YLPM1: variants seen among roughly 807,000 people sequenced by gnomAD.
YLPM1 encodes YLP motif containing 1, also known as YLP motif-containing protein 1.
YLPM1 carries 99 observed loss-of-function variants against 230.0 expected under a neutral mutation model. The ratio of observed to expected loss-of-function variants is 0.43; its 90% confidence interval spans 0.37 to 0.51. The LOEUF is 0.51. YLPM1 is among the 20% of genes least tolerant of loss of function. YLPM1 has a pLI of 0.00. For synonymous variants in YLPM1, 984 were observed against 942.5 expected (o/e 1.04, Z -0.81); for missense variants, 2,592 against 2,707.7 (o/e 0.96, Z 0.95).
intron 1 of YLPM1, among the ~76,000 whole-genome samples, chr14:74,777,018 T>C (rs2091047573): frequency 6.6e-6 from 1 of 151,910 alleles, no homozygotes; most frequent in African/African-American, 2.4e-5. Context: ...ACTGCACCAC[T>C]ACACTCCAGC....
chr14:74,826,831 G>C (rs1413391569), intron 18 of YLPM1, among the ~76,000 whole-genome samples: 2 of 152,302 alleles, frequency 1.3e-5, no homozygotes, highest in African/African-American at 4.8e-5. Context: ...CACATCAGGT[G>C]GTGGGATTCA....
chr14:74,772,899 T>C (rs1429660733), intron 1 of YLPM1, among the ~76,000 whole-genome samples: 2 of 152,232 alleles, frequency 1.3e-5, no homozygotes, highest in Non-Finnish European at 2.9e-5. Flanking sequence ...ATATCATTAT[T>C]ATTTATTTGC....
chr14:74,809,800 G>A lies in YLPM1; in HGVS notation c.4939+3G>A. On this transcript the variant is annotated splice_donor_region_variant and intron_variant, in intron 7 of 20. Coordinates refer to ENST00000325680, the MANE Select transcript of YLPM1 (RefSeq NM_019589.3). ...TGTTGATTATGGCCATGGCCGAGGT[G>A]AGTAATGATAGTGCACTTGTATTTG... 1.2e-6 allele frequency: 2 copies of A among 1,613,466 alleles called. No individual in the cohort carries two copies. The highest frequency in any genetic ancestry group is 1.7e-6 in the Non-Finnish European group (2 of 1,179,758).
intron 12 of YLPM1, 83 bp from the exon 13 acceptor site, chr14:74,816,488 T>C (rs2091479188): frequency 1.3e-6 from 2 of 1,484,296 alleles, no homozygotes; most frequent in Admixed American, 2.5e-5. Flanking sequence ...TTGTATATTA[T>C]TTAGCCACAA....
In YLPM1 at chr14:74,780,600, G is replaced by A. The variant is rs778361141; in HGVS notation, c.1290+16G>A. 4 of 1,580,588 alleles carry A rather than the reference G, an allele frequency of 2.5e-6. No homozygotes were observed. The highest frequency in any genetic ancestry group is 1.7e-4 in the Middle Eastern group (1 of 5,938). On this transcript the variant is annotated intron_variant, in intron 3 of 20. Transcript: ENST00000325680. ...ACATATACAGGCAAGTGCTTCCATA[G>A]TCCACAATAGGAAGTTGCCCCAAGA...
intron 17 of YLPM1, chr14:74,824,033 T>G: frequency 2.1e-6 from 1 of 477,192 alleles, no homozygotes; most frequent in Non-Finnish European, 3.8e-6. Context: ...TTCATGATAC[T>G]ATTCTGAAGT....
intron 5 of YLPM1, among the ~76,000 whole-genome samples, chr14:74,802,196 C>T (rs113314738): frequency 8.5e-4 from 118 of 138,384 alleles, no homozygotes; most frequent in African/African-American, 2.9e-3. Flanking sequence ...CCAGCCCAGG[C>T]GACAGAGTGA....
chr14:74,780,616 T>C (rs537663625), intron 3 of YLPM1, 32 bp downstream of exon 3: 1 of 1,550,198 alleles, frequency 6.5e-7, no homozygotes, highest in Non-Finnish European at 8.8e-7. Flanking sequence ...AATAGGAAGT[T>C]GCCCCAAGAC....
chr14:74,782,647 TC>T (rs2091107710), intron 4 of YLPM1, among the ~76,000 whole-genome samples: 1 of 152,236 alleles, frequency 6.6e-6, no homozygotes, highest in Non-Finnish European at 1.5e-5. Context: ...GCTTTTTCAT[TC>T]ATTTGACAAA....
Position 74,798,562 on chromosome 14 carries a change from A to C in YLPM1, c.3265A>C (p.Ser1089Arg), listed in dbSNP as rs1359337092. 1 of 1,613,874 alleles carries C rather than the reference A, an allele frequency of 6.2e-7. No individual in the cohort carries two copies. The highest frequency in any genetic ancestry group is 1.7e-5 in the Admixed American group (1 of 60,016). The change falls in exon 5 of 21, where the codon AGT becomes CGT. Residue 1089 changes from serine to arginine, a missense_variant. Transcript: ENST00000325680. Reference protein sequence around the residue: ...RDRGLVRPGSSREKVPGGLQG... With the variant: ...RDRGLVRPGSRREKVPGGLQG... Reference sequence around the variant, plus strand: ...CAGAGGGTTGGTGAGGCCTGGAAGCAGTCGGGAGAAAGTGCCAGGTGGTCT... The same window carrying C: ...CAGAGGGTTGGTGAGGCCTGGAAGCCGTCGGGAGAAAGTGCCAGGTGGTCT...
chr14:74,765,703 G>C (rs1173758686), intron 1 of YLPM1, among the ~76,000 whole-genome samples: 1 of 152,244 alleles, frequency 6.6e-6, no homozygotes, highest in Non-Finnish European at 1.5e-5. Context: ...TGACCTTACA[G>C]AGAGACAAAA....
intron 16 of YLPM1, among the ~76,000 whole-genome samples, chr14:74,818,626 T>A (rs1594841432): frequency 1.3e-5 from 2 of 152,352 alleles, no homozygotes; most frequent in East Asian, 3.9e-4. Flanking sequence ...ACATTCTCTT[T>A]TGATTTGATG....
chr14:74,818,163 A>C, intron 15 of YLPM1, 68 bp from the exon 16 acceptor site: 45 of 902,090 alleles, frequency 5.0e-5, no homozygotes, highest in Non-Finnish European at 6.7e-5. Context: ...AATGTTGTTT[A>C]TCTTGGATGC....
At chr14:74,827,288 G>A (rs897073336) in intron 18 of YLPM1, 34 of 948,864 alleles carry the variant, frequency 3.6e-5, no homozygotes, top group Non-Finnish European at 3.8e-5. Flanking sequence ...TGCATGTATT[G>A]AACACCAGTC....
chr14:74,831,820 T>C (rs951817113), intron 19 of YLPM1, among the ~76,000 whole-genome samples: 22 of 152,206 alleles, frequency 1.4e-4, no homozygotes, highest in Non-Finnish European at 1.5e-4. Context: ...GTTACAGATA[T>C]CAGATGGGTT....
At position 74,816,685 on chromosome 14, in the gene YLPM1, A is replaced by G; in HGVS notation, c.5680A>G (p.Lys1894Glu). The G allele has an allele frequency of 6.2e-7, 1 of 1,612,028 alleles. No individual in the cohort carries two copies. Among genetic ancestry groups the G allele is most frequent in the Non-Finnish European group, 8.5e-7 (1 of 1,179,128 alleles). The part of the protein sequence containing the change: ...KDPDSGKKVK[K>E]KVMEYEYEAE... ...TCCAGATTCTGGAAAGAAAGTGAAA[A>G]AGAAGGTATGGTATTCATCTCAGAT... The change falls in exon 13 of 21, where the codon AAG (lysine) becomes GAG (glutamate). Residue 1894 changes from lysine to glutamate, a missense_variant. Transcript: ENST00000325680.
At position 74,796,968 on chromosome 14, in the gene YLPM1, CT is replaced by C. The variant is rs3083626; in HGVS notation, c.2283-592del. On this transcript the variant is annotated intron_variant, in intron 4 of 20. Transcript: ENST00000325680. ...TCCTAAGGCACAGTATTTATAATTG[CT>C]TTTTTTTTTTTTTTTTTTTGAGACG... Among the ~76,000 whole-genome samples the C allele has an allele frequency of 8.6e-3, 768 of 88,916 alleles. 1 individual carries two copies. The highest frequency in any genetic ancestry group is 0.025 in the African/African-American group (565 of 22,876). 58.3% of individuals were successfully genotyped at this position (88,916 alleles called of 152,430 possible). A position where few individuals can be genotyped will look rare whatever the true frequency, so the allele number is the denominator to read the frequency against.
At chr14:74,797,444 C>G in intron 4 of YLPM1, 136 bp from the exon 5 acceptor site, 1 of 733,710 alleles carries the variant, frequency 1.4e-6, no homozygotes, top group Non-Finnish European at 2.1e-6. Flanking sequence ...ATTGGTGACT[C>G]AGGATTAATT....
intron 17 of YLPM1, 172 bp from the exon 18 acceptor site, chr14:74,824,084 G>T: frequency 1.6e-6 from 1 of 621,836 alleles, no homozygotes; most frequent in Non-Finnish European, 2.8e-6. Flanking sequence ...GGTGAATTTG[G>T]TCATTTAGTT....
Sources: allele counts gnomAD v4.1 joint callset (sites outside exome capture counted in the v4.1 genomes callset), GRCh38; gene constraint gnomAD v4.1.1; transcripts MANE v1.5; gene names NCBI Gene and HGNC (gene_info 2026-07-23, HGNC 2026-07-21).